The following GLIS3 variants were observed in gnomAD, a reference collection of about 807,000 sequenced individuals.
The protein encoded by GLIS3 is zinc finger protein GLIS3.
Under a neutral mutation model 78.6 loss-of-function variants are expected in GLIS3, and 53 were observed. The observed-to-expected ratio is 0.67, with a 90% CI of 0.54 to 0.85. GLIS3 has a LOEUF of 0.85. GLIS3 is among the 40% of genes least tolerant of loss of function. The pLI, the probability that GLIS3 is intolerant of heterozygous loss-of-function variation, is 0.00. For missense variants in GLIS3, 1,703 were observed against 1,231.1 expected, an observed-to-expected ratio of 1.38 and a Z score of -5.74; for synonymous variants, 684 against 509.9, an observed-to-expected ratio of 1.34 and a Z score of -4.60.
chr9:3,844,092 G>A (rs1337737790), intron 9 of GLIS3, among the ~76,000 whole-genome samples: 2 of 152,152 alleles, frequency 1.3e-5, no homozygotes, highest in Non-Finnish European at 2.9e-5. Flanking sequence ...AGGGAATTGG[G>A]ATTGTTTTGT....
At chr9:4,260,428 G>A (rs1045228028) in intron 2 of GLIS3, among the ~76,000 whole-genome samples, 4 of 151,988 alleles carry the variant, frequency 2.6e-5, no homozygotes, top group South Asian at 4.2e-4. Context: ...TTAGCTTGGC[G>A]TGGTGGCAGG....
At chr9:4,099,790 T>A (rs923600644) in intron 4 of GLIS3, among the ~76,000 whole-genome samples, 1 of 152,244 alleles carries the variant, frequency 6.6e-6, no homozygotes, top group African/African-American at 2.4e-5. Context: ...AATGTCTGCA[T>A]TGTACTCATA....
At chr9:4,360,383 G>T in the GLIS3 span, among the ~76,000 whole-genome samples, 1 of 152,170 alleles carries the variant, frequency 6.6e-6, no homozygotes, top group Non-Finnish European at 1.5e-5. Flanking sequence ...CTTGCTTTCT[G>T]TACCTGGAAA....
chr9:4,273,966 A>C (rs1157872516), intron 2 of GLIS3, among the ~76,000 whole-genome samples: 1 of 152,184 alleles, frequency 6.6e-6, no homozygotes, highest in Non-Finnish European at 1.5e-5. Flanking sequence ...CAGCCTCATG[A>C]AACCAAAGAA....
chr9:4,054,415 G>A, intron 4 of GLIS3: 1 of 985,406 alleles, frequency 1.0e-6, no homozygotes, highest in Non-Finnish European at 1.2e-6. Flanking sequence ...GAATTTAACG[G>A]TTGGTTACAA....
chr9:4,263,646 C>A (rs560280150), intron 2 of GLIS3, among the ~76,000 whole-genome samples: 1 of 152,168 alleles, frequency 6.6e-6, no homozygotes, highest in Non-Finnish European at 1.5e-5. Context: ...GTGAAAAAGC[C>A]AGCCACAACA....
chr9:4,266,190 T>C (rs1825991421), intron 2 of GLIS3, among the ~76,000 whole-genome samples: 1 of 151,544 alleles, frequency 6.6e-6, no homozygotes, highest in South Asian at 2.1e-4. Flanking sequence ...AGTGCTGAGA[T>C]TACAGGTGTG....
At chr9:4,257,896 T>C (rs1047970442) in intron 2 of GLIS3, among the ~76,000 whole-genome samples, 3 of 152,152 alleles carry the variant, frequency 2.0e-5, no homozygotes, top group Non-Finnish European at 4.4e-5. Flanking sequence ...TTAATATGTA[T>C]ATTAAAATAT....
chr9:4,258,756 C>A (rs953451484), intron 2 of GLIS3, among the ~76,000 whole-genome samples: 1 of 152,122 alleles, frequency 6.6e-6, no homozygotes, highest in East Asian at 1.9e-4. Context: ...TTGCTAGCTA[C>A]ATGGGTCAAT....
intron 3 of GLIS3, among the ~76,000 whole-genome samples, chr9:4,122,735 G>A (rs927610758): frequency 6.6e-6 from 1 of 152,198 alleles, no homozygotes; most frequent in Non-Finnish European, 1.5e-5. Flanking sequence ...AGCCATGCAG[G>A]TGGCATCTGA....
intron 4 of GLIS3, among the ~76,000 whole-genome samples, chr9:4,100,870 G>C (rs1340995866): frequency 6.6e-6 from 1 of 152,166 alleles, no homozygotes; most frequent in Non-Finnish European, 1.5e-5. Flanking sequence ...CGTAATCTAT[G>C]TGCATGGCAC....
intron 4 of GLIS3, among the ~76,000 whole-genome samples, chr9:4,005,226 G>C (rs551450492): frequency 2.0e-5 from 3 of 152,318 alleles, no homozygotes; most frequent in African/African-American, 7.2e-5. Context: ...CAGGCAATTT[G>C]GCAATGCTTA....
the GLIS3 span, among the ~76,000 whole-genome samples, chr9:4,409,946 T>C: frequency 6.6e-6 from 1 of 152,132 alleles, no homozygotes; most frequent in African/African-American, 2.4e-5. Context: ...AGAAATAATG[T>C]GGTTTAAAAA....
At chr9:4,158,956 G>A (rs1835253060) in intron 2 of GLIS3, among the ~76,000 whole-genome samples, 1 of 147,292 alleles carries the variant, frequency 6.8e-6, no homozygotes, top group South Asian at 2.2e-4. Context: ...CGGGGGCGGA[G>A]TCCCGGGCAG....
At chr9:3,898,184 G>C (rs1822998253) in intron 7 of GLIS3, 1 of 189,202 alleles carries the variant, frequency 5.3e-6, no homozygotes, top group South Asian at 1.1e-4. Context: ...CTAGGCAGAT[G>C]GAAGGTGGTC....
At chr9:3,970,484 C>G (rs890726849) in intron 4 of GLIS3, among the ~76,000 whole-genome samples, 1 of 152,094 alleles carries the variant, frequency 6.6e-6, no homozygotes, top group Non-Finnish European at 1.5e-5. Context: ...ATTTTGTCAA[C>G]CTAAAAGTTT....
the GLIS3 span, among the ~76,000 whole-genome samples, chr9:4,483,284 T>C: frequency 1.3e-5 from 2 of 152,236 alleles, no homozygotes; most frequent in Non-Finnish European, 2.9e-5. Context: ...GAAATGTATT[T>C]AGTGCCCAAT....
At chr9:4,311,164 T>A (rs1817346473) in intron 2 of GLIS3, among the ~76,000 whole-genome samples, 2 of 152,156 alleles carry the variant, frequency 1.3e-5, no homozygotes. Flanking sequence ...ATCCCAACAC[T>A]TTGGGAGGCT....
chr9:4,162,935 A>G (rs1292264355), intron 2 of GLIS3, among the ~76,000 whole-genome samples: 1 of 122,276 alleles, frequency 8.2e-6, no homozygotes, highest in Non-Finnish European at 1.9e-5. Flanking sequence ...CACCTCTTCA[A>G]GAAAATGTTC....
Sources: gnomAD v4.1 joint callset for allele counts (sites outside exome capture counted in the v4.1 genomes callset) on GRCh38, gnomAD v4.1.1 for gene constraint, MANE v1.5 for transcripts, NCBI Gene and HGNC (gene_info 2026-07-23, HGNC 2026-07-21) for gene names.